CDH19: variants seen among roughly 807,000 people sequenced by gnomAD.
CDH19 encodes the protein cadherin 19.
A neutral mutation model predicts 64.2 loss-of-function variants in CDH19; 67 were observed. The ratio of observed to expected loss-of-function variants is 1.04; its 90% CI spans 0.86 to 1.28. The LOEUF is 1.28. Among genes scored for constraint, CDH19 ranks in the 50% most tolerant of loss-of-function variants. The pLI is 0.00. For missense variants in CDH19, 1,030 were observed against 929.0 expected, an observed-to-expected ratio of 1.11 and a Z score of -1.41; for synonymous variants, 346 against 319.3, an observed-to-expected ratio of 1.08 and a Z score of -0.89.
Position 66,562,425 on chromosome 18 carries a change from G to A in CDH19, c.490+5991C>T, listed in dbSNP as rs552319271. Among the ~76,000 whole-genome samples the A allele has an allele frequency of 2.8e-4, 43 of 152,006 alleles. 1 individual carries two copies. Among genetic ancestry groups the A allele is most frequent in the South Asian group, 8.3e-4 (4 of 4,816 alleles). Reference sequence around the variant, plus strand: ...TGCAATCCTATGAAAATCTAATCCCGCCACTGATCTGACAGGAGGCGGAGC... The same window carrying A: ...TGCAATCCTATGAAAATCTAATCCCACCACTGATCTGACAGGAGGCGGAGC... On this transcript the variant is annotated intron_variant, in intron 3 of 11. Coordinates refer to ENST00000262150, the MANE Select transcript of CDH19 (RefSeq NM_021153.4).
chr18:66,523,489 C>A (rs1380546725), intron 9 of CDH19, among the ~76,000 whole-genome samples: 1 of 151,928 alleles, frequency 6.6e-6, no homozygotes, highest in East Asian at 1.9e-4. Context: ...ACATTCTAAC[C>A]CACATTCTTC....
intron 3 of CDH19, among the ~76,000 whole-genome samples, chr18:66,557,038 T>C (rs898308860): frequency 1.3e-5 from 2 of 151,932 alleles, no homozygotes; most frequent in African/African-American, 4.8e-5. Flanking sequence ...AAAACTACTA[T>C]ATGACCCAGC....
At chr18:66,518,272 C>G (rs1445860849) in intron 9 of CDH19, among the ~76,000 whole-genome samples, 2 of 152,030 alleles carry the variant, frequency 1.3e-5, no homozygotes, top group Admixed American at 6.6e-5. Context: ...TCACTCTTGT[C>G]ACTCAGGCTT....
rs181266587 is a variant in CDH19 at position 66,511,943 on chromosome 18, C to T, written c.1459-258G>A. On this transcript the variant is annotated intron_variant, in intron 9 of 11. Coordinates refer to ENST00000262150, the MANE Select transcript of CDH19 (RefSeq NM_021153.4). ...TGATGGATCAGGTGGATTCCAAAAG[C>T]TGTTTGTTGAAAGTCTCCAAAGCAT... Among the ~76,000 whole-genome samples, 453 of 151,588 alleles carry T rather than the reference C, an allele frequency of 3.0e-3. 1 individual carries two copies. Among genetic ancestry groups the T allele is most frequent in the African/African-American group, 0.01 (434 of 41,480 alleles).
chr18:66,562,748 A>T (rs980058659), intron 3 of CDH19, among the ~76,000 whole-genome samples: 1 of 152,140 alleles, frequency 6.6e-6, no homozygotes, highest in East Asian at 1.9e-4. Context: ...AGAAGATAAT[A>T]TATTTGTTGT....
intron 8 of CDH19, chr18:66,532,541 G>GA (rs570706089): frequency 7.4e-4 from 216 of 290,700 alleles, no homozygotes; most frequent in South Asian, 2.1e-3. Context: ...GAGAGAGAGG[G>GA]AAAAAAAAAG....
intron 7 of CDH19, among the ~76,000 whole-genome samples, chr18:66,542,267 T>A (rs1273697503): frequency 6.6e-6 from 1 of 152,140 alleles, no homozygotes; most frequent in Non-Finnish European, 1.5e-5. Flanking sequence ...ACTGGAACTA[T>A]AATGGAAAAG....
At chr18:66,554,248 T>C (rs1987436541) in intron 4 of CDH19, among the ~76,000 whole-genome samples, 157 bp downstream of exon 4, 1 of 152,018 alleles carries the variant, frequency 6.6e-6, no homozygotes, top group Admixed American at 6.6e-5. Flanking sequence ...AAGTATCAGC[T>C]AAAAGACTAA....
At chr18:66,534,607 T>C (rs1986585640) in intron 8 of CDH19, among the ~76,000 whole-genome samples, 1 of 151,984 alleles carries the variant, frequency 6.6e-6, no homozygotes, top group Non-Finnish European at 1.5e-5. Flanking sequence ...ATAAATATAA[T>C]TGTATGAATA....
chr18:66,511,400 G>T (rs1568171536), intron 10 of CDH19, among the ~76,000 whole-genome samples, 168 bp downstream of exon 10: 1 of 151,608 alleles, frequency 6.6e-6, no homozygotes, highest in African/African-American at 2.4e-5. Context: ...AATATTTTTA[G>T]AACTTAACAT....
chr18:66,554,392 C>A lies in CDH19; in HGVS notation c.610+13G>T, dbSNP rs760488440. 57 of 1,609,572 alleles carry A rather than the reference C, an allele frequency of 3.5e-5. 1 individual carries two copies. In the East Asian group the frequency reaches 8.9e-4, roughly 25 times the overall value. ...GAATCATGTTAAACTTTGCTTGTTT[C>A]ATTCACAAATACCTGTTGTTGGTTC... On this transcript the variant is annotated intron_variant, in intron 4 of 11. Transcript: ENST00000262150.
chr18:66,555,213 T>A (rs140065290), intron 3 of CDH19, among the ~76,000 whole-genome samples: 1 of 151,826 alleles, frequency 6.6e-6, no homozygotes, highest in East Asian at 1.9e-4. Flanking sequence ...TTCAAAAATA[T>A]TGAGTTTTCA....
intron 10 of CDH19, among the ~76,000 whole-genome samples, chr18:66,511,010 T>C (rs1598966779): frequency 6.6e-6 from 1 of 151,736 alleles, no homozygotes; most frequent in South Asian, 2.1e-4. Context: ...TTGTATAAAG[T>C]TAATCCACCT....
At position 66,595,265 on chromosome 18, in the gene CDH19, C is replaced by G. The variant is rs985087235; in HGVS notation, c.-113+8689G>C. The stretch of plus-strand genomic sequence containing the variant: ...AGTTAGAAAGATCTTTACTTAATAA[C>G]GTAACATCACACCTAGAGGAAATAC... On this transcript the variant is annotated intron_variant, in intron 1 of 11. Transcript: ENST00000262150. 4.6e-5 allele frequency among the ~76,000 whole-genome samples: 7 copies of G among 151,320 alleles called. 1 individual carries two copies. The South Asian group carries it at 8.3e-4, about 18-fold the overall frequency.
At chr18:66,601,458 T>C (rs1370777156) in intron 1 of CDH19, among the ~76,000 whole-genome samples, 1 of 151,958 alleles carries the variant, frequency 6.6e-6, no homozygotes, top group East Asian at 1.9e-4. Context: ...CTTCTTAGAA[T>C]TAAAAAACAG....
At position 66,505,040 on chromosome 18, in the gene CDH19, T is replaced by C. The variant is rs544815695; in HGVS notation, c.2091A>G (p.Lys697=). ...CTTCTTCGAGCTTTTCCAGAATGAA[T>C]TTCCTGAATATGGCACTGTCGGGGC... ...QVGPDSAIFR[K]FILEKLEEAN... is the part of the protein sequence containing the mutation. Residue 697 remains lysine, a synonymous_variant, in exon 12 of 12, where the codon AAA becomes AAG. Coordinates refer to ENST00000262150, the MANE Select transcript of CDH19 (RefSeq NM_021153.4). 3 of 1,613,616 alleles carry C rather than the reference T, an allele frequency of 1.9e-6. No homozygotes were observed. In the African/African-American group the frequency reaches 4.0e-5, roughly 22 times the overall value.
At position 66,504,864 on chromosome 18, in the gene CDH19, C is replaced by A; in HGVS notation, c.2267G>T (p.Arg756Leu). Reference sequence around the variant, plus strand: ...AAACATGCATGCTAATCTTTTAAAGCGAGGTCCCAACTCATTAAGGTAATC... The same window carrying A: ...AAACATGCATGCTAATCTTTTAAAGAGAGGTCCCAACTCATTAAGGTAATC... ...SYDYLNELGP[R>L]FKRLACMFGS... Residue 756 changes from arginine to leucine, a missense_variant, in exon 12 of 12, where the codon CGC (arginine) becomes CTC (leucine). Coordinates refer to ENST00000262150, the MANE Select transcript of CDH19 (RefSeq NM_021153.4). 1 of 1,610,486 alleles carries A rather than the reference C, an allele frequency of 6.2e-7. No homozygotes were observed. Among genetic ancestry groups the A allele is most frequent in the Non-Finnish European group, 8.5e-7 (1 of 1,177,276 alleles).
chr18:66,544,783 T>C lies in CDH19; in HGVS notation c.896A>G (p.Asp299Gly). Residue 299 changes from aspartate to glycine, a missense_variant, in exon 6 of 12, where the codon GAT becomes GGT. Asp to Gly is a moderately conservative substitution (Grantham distance 94). Coordinates refer to ENST00000262150, the MANE Select transcript of CDH19 (RefSeq NM_021153.4). Reference protein sequence around the residue: ...AEMDYSIEEDDSQTFDIITNH... With the variant: ...AEMDYSIEEDGSQTFDIITNH... Reference sequence around the variant, plus strand: ...AGTAATAATGTCAAATGTTTGCGAATCATCCTCTTCAATGCTGTAATCCAT... The same window carrying C: ...AGTAATAATGTCAAATGTTTGCGAACCATCCTCTTCAATGCTGTAATCCAT... 1 of 1,612,206 alleles carries C rather than the reference T, an allele frequency of 6.2e-7. No homozygotes were observed. The highest frequency in any genetic ancestry group is 1.1e-5 in the South Asian group (1 of 91,006).
chr18:66,538,965 T>C (rs1476762759), intron 7 of CDH19, among the ~76,000 whole-genome samples: 1 of 152,106 alleles, frequency 6.6e-6, no homozygotes, highest in Non-Finnish European at 1.5e-5. Flanking sequence ...AATTACTCTA[T>C]TTCTTAACAA....
Sources: gnomAD v4.1 joint callset for allele counts (sites outside exome capture counted in the v4.1 genomes callset) on GRCh38, gnomAD v4.1.1 for gene constraint, MANE v1.5 for transcripts, NCBI Gene and HGNC (gene_info 2026-07-23, HGNC 2026-07-21) for gene names.